XKR9: variants seen among roughly 807,000 people sequenced by gnomAD.
XKR9 encodes the protein XK-related protein 9.
A neutral mutation model predicts 32.0 loss-of-function variants in XKR9; 32 were observed. The ratio of observed to expected loss-of-function variants is 1.00; its 90% confidence interval spans 0.76 to 1.34. XKR9 has a LOEUF of 1.34. Ranked by LOEUF, XKR9 falls within the 40% of genes most tolerant of loss-of-function variation. XKR9 has a pLI of 0.00. For missense variants in XKR9, 546 were observed against 429.7 expected (o/e 1.27, Z -2.39); for synonymous variants, 168 against 143.4 (o/e 1.17, Z -1.22).
At chr8:71,022,171 G>C in the XKR9 span, among the ~76,000 whole-genome samples, 1 of 152,208 alleles carries the variant, frequency 6.6e-6, no homozygotes, top group South Asian at 2.1e-4. Flanking sequence ...TTTGGGTTTT[G>C]TATTCTGTTT....
chr8:71,009,365 A>C, the XKR9 span, among the ~76,000 whole-genome samples: 2 of 151,224 alleles, frequency 1.3e-5, no homozygotes, highest in Admixed American at 6.6e-5. Context: ...AGCTATCATT[A>C]GTATTAGTGT....
the XKR9 span, among the ~76,000 whole-genome samples, chr8:70,797,174 T>TA: frequency 9.2e-5 from 14 of 152,182 alleles, no homozygotes; most frequent in African/African-American, 3.1e-4. Context: ...AGCAAGGATT[T>TA]TAAAAAATGA....
At chr8:70,787,020 A>G (rs1339977038) in intron 2 of XKR9, among the ~76,000 whole-genome samples, 1 of 152,160 alleles carries the variant, frequency 6.6e-6, no homozygotes, top group Admixed American at 6.6e-5. Flanking sequence ...ACGAGATATT[A>G]ACTACATTCT....
the XKR9 span, among the ~76,000 whole-genome samples, chr8:70,824,528 G>A: frequency 6.6e-6 from 1 of 151,998 alleles, no homozygotes; most frequent in South Asian, 2.1e-4. Flanking sequence ...CCAAGGAACA[G>A]GTCAATGTAA....
intron 4 of XKR9, among the ~76,000 whole-genome samples, chr8:70,720,279 A>G (rs1806233409): frequency 1.3e-5 from 2 of 152,160 alleles, no homozygotes; most frequent in African/African-American, 2.4e-5. Flanking sequence ...TCCCATTTGA[A>G]TACCCTTTAT....
chr8:70,926,617 G>T, the XKR9 span, among the ~76,000 whole-genome samples: 1 of 152,174 alleles, frequency 6.6e-6, no homozygotes, highest in Non-Finnish European at 1.5e-5. Flanking sequence ...TGACATGGAG[G>T]AGAATTGTTT....
the XKR9 span, among the ~76,000 whole-genome samples, chr8:70,825,465 C>T: frequency 6.6e-6 from 1 of 152,112 alleles, no homozygotes; most frequent in South Asian, 2.1e-4. Context: ...ACTCAATACT[C>T]AGTGAATTCA....
rs202012205 is a variant in XKR9 at position 70,721,825 on chromosome 8, G to A, written c.494-11971G>A. ...TGTAGATGTCTATTAGGTCCTCTTG[G>A]TCCAGAGCTGAGTTCAAGTCCTGAA... On this transcript the variant is annotated intron_variant, in intron 4 of 4. Transcript: ENST00000408926. 6.6e-5 allele frequency among the ~76,000 whole-genome samples: 10 copies of A among 151,628 alleles called. No homozygotes were observed. In the East Asian group the frequency reaches 1.4e-3, roughly 21 times the overall value.
At chr8:70,915,622 A>T in the XKR9 span, among the ~76,000 whole-genome samples, 2 of 152,156 alleles carry the variant, frequency 1.3e-5, no homozygotes, top group Non-Finnish European at 2.9e-5. Flanking sequence ...TCTACACTCT[A>T]TCTAGAACTG....
the XKR9 span, among the ~76,000 whole-genome samples, chr8:70,826,953 T>A: frequency 6.6e-6 from 1 of 152,148 alleles, no homozygotes. Context: ...AAATGCAGGC[T>A]ACAGGCTCAT....
At chr8:70,731,793 G>A (rs955203089) in intron 4 of XKR9, among the ~76,000 whole-genome samples, 1 of 152,160 alleles carries the variant, frequency 6.6e-6, no homozygotes, top group Non-Finnish European at 1.5e-5. Flanking sequence ...AATCAGACAA[G>A]GAAAGTTCTC....
intron 4 of XKR9, among the ~76,000 whole-genome samples, chr8:70,730,036 AGGT>A (rs1563454696): frequency 2.0e-5 from 3 of 152,196 alleles, no homozygotes; most frequent in African/African-American, 7.2e-5. Context: ...TACTTATCCG[AGGT>A]GGTAACTTGA....
chr8:70,872,581 C>T, the XKR9 span, among the ~76,000 whole-genome samples: 1 of 152,158 alleles, frequency 6.6e-6, no homozygotes, highest in South Asian at 2.1e-4. Context: ...CTAGGACTTT[C>T]ACAGATATAA....
At chr8:70,956,586 T>C in the XKR9 span, among the ~76,000 whole-genome samples, 2 of 152,132 alleles carry the variant, frequency 1.3e-5, no homozygotes, top group African/African-American at 4.8e-5. Context: ...TAACATGCTG[T>C]CCATGGTGCC....
At chr8:70,942,846 G>A in the XKR9 span, among the ~76,000 whole-genome samples, 4 of 151,972 alleles carry the variant, frequency 2.6e-5, no homozygotes, top group Non-Finnish European at 4.4e-5. Flanking sequence ...TAGAGTTTTA[G>A]GATCACATTT....
the XKR9 span, among the ~76,000 whole-genome samples, chr8:70,977,768 G>C: frequency 1.3e-5 from 2 of 152,222 alleles, no homozygotes; most frequent in Non-Finnish European, 2.9e-5. Flanking sequence ...TTGCAGAGCT[G>C]AGTTCAGGTC....
At chr8:70,999,974 A>G in the XKR9 span, among the ~76,000 whole-genome samples, 1 of 152,190 alleles carries the variant, frequency 6.6e-6, no homozygotes, top group Non-Finnish European at 1.5e-5. Flanking sequence ...AAAATGAATC[A>G]ATTTCTCTTT....
At chr8:70,856,751 A>G in the XKR9 span, among the ~76,000 whole-genome samples, 1 of 152,200 alleles carries the variant, frequency 6.6e-6, no homozygotes, top group Non-Finnish European at 1.5e-5. Flanking sequence ...AATGTAAAAG[A>G]ACAGAAATTA....
Position 70,669,494 on chromosome 8 carries a change from C to T in XKR9, c.-405C>T. Reference sequence around the variant, plus strand: ...AGACAGGCGAGTGGATCCAAGTGGGCGAGAGACATTTTAATCTGGAAGAGT... The same window carrying T: ...AGACAGGCGAGTGGATCCAAGTGGGTGAGAGACATTTTAATCTGGAAGAGT... On this transcript the variant is annotated 5_prime_UTR_variant, in exon 1 of 5. Coordinates refer to ENST00000408926, the MANE Select transcript of XKR9 (RefSeq NM_001011720.2). 1 of 226,254 alleles carries T rather than the reference C, an allele frequency of 4.4e-6. No homozygotes were observed. 14.0% of individuals were successfully genotyped at this position (226,254 alleles called of 1,614,324 possible). A position where few individuals can be genotyped will look rare whatever the true frequency, so the allele number is the denominator to read the frequency against.
Sources: gnomAD v4.1 joint callset for allele counts (sites outside exome capture counted in the v4.1 genomes callset) on GRCh38, gnomAD v4.1.1 for gene constraint, MANE v1.5 for transcripts, NCBI Gene and HGNC (gene_info 2026-07-23, HGNC 2026-07-21) for gene names.